The following ZMAT4 variants were observed in gnomAD, a reference collection of about 807,000 sequenced individuals.
ZMAT4 encodes zinc finger matrin-type 4.
Under a neutral mutation model 28.7 loss-of-function variants are expected in ZMAT4, and 17 were observed. The ratio of observed to expected loss-of-function variants is 0.59; its 90% confidence interval spans 0.41 to 0.89. ZMAT4 has a LOEUF of 0.89. ZMAT4 is among the 40% of genes least tolerant of loss of function. The pLI is 0.00. For missense variants in ZMAT4, 240 were observed against 283.8 expected, an observed-to-expected ratio of 0.85 and a Z score of 1.11; for synonymous variants, 117 against 109.2, an observed-to-expected ratio of 1.07 and a Z score of -0.44.
chr8:40,719,420 G>A (rs981437474), intron 3 of ZMAT4, among the ~76,000 whole-genome samples: 37 of 151,970 alleles, frequency 2.4e-4, no homozygotes, highest in African/African-American at 8.9e-4. Context: ...TGGGTGTCAC[G>A]CAAGATTCTG....
At chr8:40,860,399 G>A (rs183090934) in intron 1 of ZMAT4, among the ~76,000 whole-genome samples, 1 of 152,294 alleles carries the variant, frequency 6.6e-6, no homozygotes, top group Admixed American at 6.5e-5. Flanking sequence ...GATTAAAACA[G>A]ACAATTTTTC....
At chr8:40,801,347 A>ATATATATATATATATATATATATATAT (rs1174640469) in intron 2 of ZMAT4, among the ~76,000 whole-genome samples, 4 of 48,580 alleles carry the variant, frequency 8.2e-5, no homozygotes, top group African/African-American at 3.7e-4. Flanking sequence ...TCTTTAAAAA[A>ATATATATATATATATATATATATATAT]AAAAATATAT....
At chr8:40,853,463 G>A (rs552015664) in intron 1 of ZMAT4, among the ~76,000 whole-genome samples, 1 of 152,242 alleles carries the variant, frequency 6.6e-6, no homozygotes, top group South Asian at 2.1e-4. Context: ...GGTTATGGCA[G>A]GAGAATCTCT....
chr8:40,613,829 G>A (rs980453248), intron 5 of ZMAT4, among the ~76,000 whole-genome samples: 1 of 152,180 alleles, frequency 6.6e-6, no homozygotes, highest in African/African-American at 2.4e-5. Flanking sequence ...ATCCAAGCCA[G>A]CCTCCAAAGG....
chr8:40,552,299 C>T lies in ZMAT4; in HGVS notation c.675-20061G>A, dbSNP rs139221419. 2.2e-4 allele frequency among the ~76,000 whole-genome samples: 33 copies of T among 152,288 alleles called. 1 individual carries two copies. Among genetic ancestry groups the T allele is most frequent in the African/African-American group, 7.5e-4 (31 of 41,560 alleles). ...ATCAAGCTGCTACTATTGCTTTTCA[C>T]AGGGCTTAGTCCACCTTCAGGTCTC... On this transcript the variant is annotated intron_variant, in intron 6 of 6. Transcript: ENST00000297737.
At chr8:40,869,910 C>A (rs1817795207) in intron 1 of ZMAT4, among the ~76,000 whole-genome samples, 1 of 152,148 alleles carries the variant, frequency 6.6e-6, no homozygotes, top group East Asian at 1.9e-4. Context: ...GTCCCCTGAT[C>A]TTTTCTTTAC....
chr8:40,713,678 G>A (rs1810721924), intron 3 of ZMAT4, among the ~76,000 whole-genome samples: 1 of 151,898 alleles, frequency 6.6e-6, no homozygotes, highest in Non-Finnish European at 1.5e-5. Flanking sequence ...GGAGGCGGAG[G>A]CAGGTAGATC....
intron 1 of ZMAT4, among the ~76,000 whole-genome samples, chr8:40,888,330 T>C (rs1442079639): frequency 2.6e-5 from 4 of 152,306 alleles, no homozygotes; most frequent in East Asian, 1.9e-4. Context: ...TGGCTTTGCC[T>C]TTCCAAGTAT....
chr8:40,562,915 G>A (rs561240339), intron 6 of ZMAT4, among the ~76,000 whole-genome samples: 167 of 152,146 alleles, frequency 1.1e-3, no homozygotes, highest in Non-Finnish European at 2.0e-3. Context: ...CCTTTGTCAC[G>A]ACGTGTGTGT....
At chr8:40,545,859 T>C (rs1034404809) in intron 6 of ZMAT4, among the ~76,000 whole-genome samples, 4 of 150,570 alleles carry the variant, frequency 2.7e-5, no homozygotes, top group African/African-American at 9.8e-5. Flanking sequence ...AAGAAAGGTG[T>C]GATACCAAGC....
intron 5 of ZMAT4, among the ~76,000 whole-genome samples, chr8:40,595,894 GT>G (rs1486833757): frequency 6.6e-6 from 1 of 152,074 alleles, no homozygotes; most frequent in East Asian, 1.9e-4. Flanking sequence ...GACCAGCCTG[GT>G]CAACATGGTG....
intron 5 of ZMAT4, among the ~76,000 whole-genome samples, chr8:40,660,191 C>T (rs1260568277): frequency 6.6e-6 from 1 of 152,174 alleles, no homozygotes; most frequent in Non-Finnish European, 1.5e-5. Flanking sequence ...ATGTAGACAT[C>T]ATACTCACCT....
intron 3 of ZMAT4, among the ~76,000 whole-genome samples, chr8:40,729,482 A>G (rs1394494929): frequency 6.6e-6 from 1 of 152,254 alleles, no homozygotes; most frequent in Non-Finnish European, 1.5e-5. Flanking sequence ...TCATATTTCA[A>G]GTAGTTATAC....
chr8:40,878,357 T>G (rs1818110213), intron 1 of ZMAT4, among the ~76,000 whole-genome samples: 1 of 152,166 alleles, frequency 6.6e-6, no homozygotes, highest in African/African-American at 2.4e-5. Context: ...ATATTTAAAC[T>G]TATAGAACAC....
chr8:40,698,405 A>G (rs1017711008), intron 3 of ZMAT4, among the ~76,000 whole-genome samples: 3 of 152,172 alleles, frequency 2.0e-5, no homozygotes, highest in African/African-American at 7.2e-5. Flanking sequence ...CCTCCTGCTT[A>G]GTTAGAAATG....
Position 40,777,880 on chromosome 8 carries a change from A to T in ZMAT4, c.103-10150T>A, listed in dbSNP as rs987882280. On this transcript the variant is annotated intron_variant, in intron 2 of 6. Transcript: ENST00000297737. The stretch of plus-strand genomic sequence containing the variant: ...CTGTATAACATTTTTATATTAGATT[A>T]TCTTTTTACCCTATTACTTTATACT... Among the ~76,000 whole-genome samples, 3 of 152,366 alleles carry T rather than the reference A, an allele frequency of 2.0e-5. No individual in the cohort carries two copies. In the East Asian group the frequency reaches 5.8e-4, roughly 29 times the overall value.
At chr8:40,690,965 G>T in intron 4 of ZMAT4, 1 of 975,306 alleles carries the variant, frequency 1.0e-6, no homozygotes. Flanking sequence ...AGAAATACTT[G>T]ATTTAAAGTG....
chr8:40,620,363 C>T (rs529293861), intron 5 of ZMAT4, among the ~76,000 whole-genome samples: 76 of 152,330 alleles, frequency 5.0e-4, no homozygotes, highest in Non-Finnish European at 8.1e-4. Flanking sequence ...TTCCCCAAAG[C>T]GCGGCAGGGC....
intron 4 of ZMAT4, among the ~76,000 whole-genome samples, chr8:40,689,784 C>G (rs1809576883): frequency 6.6e-6 from 1 of 151,814 alleles, no homozygotes; most frequent in African/African-American, 2.4e-5. Flanking sequence ...AGAGTATGCA[C>G]AGGAAATTGA....
Sources: gnomAD v4.1 joint callset for allele counts (sites outside exome capture counted in the v4.1 genomes callset) on GRCh38, gnomAD v4.1.1 for gene constraint, MANE v1.5 for transcripts, NCBI Gene and HGNC (gene_info 2026-07-23, HGNC 2026-07-21) for gene names.